ABCC4: variants seen among roughly 807,000 people sequenced by gnomAD.
ABCC4 encodes the protein ATP binding cassette subfamily C member 4 (PEL blood group), also known as ATP-binding cassette sub-family C member 4.
Under a neutral mutation model 168.5 loss-of-function variants are expected in ABCC4, and 102 were observed. The ratio of observed to expected loss-of-function variants is 0.61; its 90% CI spans 0.52 to 0.71. ABCC4 has a LOEUF of 0.71. ABCC4 is among the 30% of genes least tolerant of loss of function. The pLI is 0.00. For missense variants in ABCC4, 1,402 were observed against 1,605.8 expected (o/e 0.87, Z 2.17); for synonymous variants, 617 against 590.7 (o/e 1.04, Z -0.65).
chr13:95,058,567 C>CAAAAA (rs1165324016), intron 26 of ABCC4, among the ~76,000 whole-genome samples: 245 of 62,544 alleles, frequency 3.9e-3, no homozygotes, highest in East Asian at 0.01. Context: ...GACTCCATCT[C>CAAAAA]AAAAAAAAAA....
At chr13:95,061,371 A>C (rs913753070) in intron 26 of ABCC4, among the ~76,000 whole-genome samples, 1 of 151,924 alleles carries the variant, frequency 6.6e-6, no homozygotes, top group Non-Finnish European at 1.5e-5. Flanking sequence ...CAAATTACTT[A>C]AGCGTGATTC....
rs1403492407 is a variant in ABCC4, at chr13:95,126,407, G to C, written c.2456-10406C>G. Among the ~76,000 whole-genome samples the C allele has an allele frequency of 2.6e-5, 4 of 152,164 alleles. No individual in the cohort carries two copies. In the East Asian group the frequency reaches 7.8e-4, roughly 30 times the overall value. On this transcript the variant is annotated intron_variant, in intron 19 of 30. Transcript: ENST00000645237. ...CAAATTCAATCACTGAGATTACCTT[G>C]AATGGAAATTACCAGTCAGTGTGCA...
intron 6 of ABCC4, among the ~76,000 whole-genome samples, chr13:95,208,608 CTTTTTTTTTTTTTT>C (rs58749262): frequency 4.0e-5 from 3 of 74,636 alleles, no homozygotes; most frequent in Admixed American, 2.1e-4. Context: ...AGCTGTATTT[CTTTTTTTTTTTTTT>C]TTTTTTTTTT....
intron 4 of ABCC4, among the ~76,000 whole-genome samples, chr13:95,219,804 T>C (rs1419008672): frequency 6.6e-6 from 1 of 152,148 alleles, no homozygotes; most frequent in Admixed American, 6.6e-5. Flanking sequence ...GAGGTGTGTT[T>C]GGCATCCATC....
intron 19 of ABCC4, among the ~76,000 whole-genome samples, chr13:95,122,167 T>C (rs1374898604): frequency 4.6e-5 from 7 of 152,218 alleles, no homozygotes; most frequent in African/African-American, 1.7e-4. Flanking sequence ...CTTTTTCTGA[T>C]TCTCTTCTCG....
intron 1 of ABCC4, among the ~76,000 whole-genome samples, chr13:95,279,950 A>C (rs2041073362): frequency 6.6e-6 from 1 of 152,102 alleles, no homozygotes; most frequent in African/African-American, 2.4e-5. Flanking sequence ...GACCCACCAC[A>C]ACATCTCAGC....
intron 19 of ABCC4, among the ~76,000 whole-genome samples, chr13:95,132,884 A>G (rs970493506): frequency 6.6e-6 from 1 of 152,064 alleles, no homozygotes; most frequent in Non-Finnish European, 1.5e-5. Context: ...AGAGACAGAA[A>G]GTAGAAGGGT....
At position 95,161,228 on chromosome 13, in the gene ABCC4, G is replaced by T; in HGVS notation, c.2416C>A (p.Leu806Met). 1 of 1,610,384 alleles carries T rather than the reference G, an allele frequency of 6.2e-7. No individual in the cohort carries two copies. The highest frequency in any genetic ancestry group is 8.5e-7 in the Non-Finnish European group (1 of 1,179,336). Residue 806 changes from leucine (L) to methionine (M), a missense_variant, in exon 19 of 31, where the codon CTG (leucine) becomes ATG (methionine). By Grantham distance (15) the Leu-to-Met change is conservative. Coordinates refer to ENST00000645237, the MANE Select transcript of ABCC4 (RefSeq NM_005845.5). Reference protein sequence around the residue: ...TLHNKMFESILKAPVLFFDRN... With the variant: ...TLHNKMFESIMKAPVLFFDRN... ...TCAAAGAATAATACCGGAGCTTTCA[G>T]AATTGACTCAAACATTTTGTTGTGC...
At position 95,209,578 on chromosome 13, in the gene ABCC4, A is replaced by C. The variant is rs752272439; in HGVS notation, c.641T>G (p.Phe214Cys). 1 of 1,613,378 alleles carries C rather than the reference A, an allele frequency of 6.2e-7. No individual in the cohort carries two copies. Among genetic ancestry groups the C allele is most frequent in the Non-Finnish European group, 8.5e-7 (1 of 1,179,720 alleles). Residue 214 changes from phenylalanine (F) to cysteine (C), a missense_variant, in exon 6 of 31, where the codon TTC (phenylalanine) becomes TGC (cysteine). Phe to Cys is a radical substitution (Grantham distance 205, BLOSUM62 -2). This residue lies in a region of ABCC4 where 317 missense variants were observed against 345.5 expected (regional missense o/e 0.92). Coordinates refer to ENST00000645237, the MANE Select transcript of ABCC4 (RefSeq NM_005845.5). Reference sequence around the variant, plus strand: ...CGCCTGCAGTGGTCCTGCCCACAGGAAGTGTAAGAACACTGTCACCTTTAA... The same window carrying C: ...CGCCTGCAGTGGTCCTGCCCACAGGCAGTGTAAGAACACTGTCACCTTTAA... ...KFDQVTVFLH[F>C]LWAGPLQAIA...
chr13:95,098,952 A>C (rs1158426308), intron 20 of ABCC4, among the ~76,000 whole-genome samples: 1 of 152,226 alleles, frequency 6.6e-6, no homozygotes, highest in Non-Finnish European at 1.5e-5. Flanking sequence ...CAACCATTAT[A>C]AAAATCCTTG....
intron 4 of ABCC4, among the ~76,000 whole-genome samples, chr13:95,212,084 G>GA (rs2038974581): frequency 6.7e-6 from 1 of 148,660 alleles, no homozygotes; most frequent in African/African-American, 2.5e-5. Flanking sequence ...GGCTGAGGCA[G>GA]AAAATCACTT....
In ABCC4 at chr13:95,234,744, T is replaced by C; in HGVS notation, c.397A>G (p.Thr133Ala). Residue 133 changes from threonine (T) to alanine (A), a missense_variant, in exon 4 of 31, where the codon ACA becomes GCA. This residue lies in a region of ABCC4 where 317 missense variants were observed against 345.5 expected (regional missense o/e 0.92). Coordinates refer to ENST00000645237, the MANE Select transcript of ABCC4 (RefSeq NM_005845.5). ...AGCACCGTGGCATAGGCGTACGCTG[T>C]GTTCAAAGCCACAGAATCCATGGGA... Reference protein sequence around the residue: ...YDPMDSVALNTAYAYATVLTF... With the variant: ...YDPMDSVALNAAYAYATVLTF... 2 of 1,614,094 alleles carry C rather than the reference T, an allele frequency of 1.2e-6. No homozygotes were observed. Among genetic ancestry groups the C allele is most frequent in the Non-Finnish European group, 1.7e-6 (2 of 1,179,992 alleles).
At chr13:95,217,412 T>C (rs571721573) in intron 4 of ABCC4, among the ~76,000 whole-genome samples, 1 of 152,140 alleles carries the variant, frequency 6.6e-6, no homozygotes, top group South Asian at 2.1e-4. Context: ...CAGATGTCTT[T>C]CCCCCCTCTC....
intron 30 of ABCC4, among the ~76,000 whole-genome samples, chr13:95,026,978 C>T (rs750739343): frequency 7.9e-5 from 12 of 152,062 alleles, no homozygotes; most frequent in Middle Eastern, 3.4e-3. Context: ...ACAGACAACA[C>T]GAGAAGACCT....
rs564527384 is a variant in ABCC4 at position 95,160,263 on chromosome 13, C to G, written c.2455+926G>C. On this transcript the variant is annotated intron_variant, in intron 19 of 30. Coordinates refer to ENST00000645237, the MANE Select transcript of ABCC4 (RefSeq NM_005845.5). Reference sequence around the variant, plus strand: ...CCTTGGTCAAAAAGCTAGTCAATGGCCAGGCCAAAGCTGTGCCTGTGTTCT... The same window carrying G: ...CCTTGGTCAAAAAGCTAGTCAATGGGCAGGCCAAAGCTGTGCCTGTGTTCT... Among the ~76,000 whole-genome samples the G allele has an allele frequency of 2.0e-5, 3 of 152,258 alleles. No homozygotes were observed. The East Asian group carries it at 5.8e-4, about 29-fold the overall frequency.
chr13:95,255,348 G>A (rs1016994297), intron 1 of ABCC4, among the ~76,000 whole-genome samples: 2 of 152,184 alleles, frequency 1.3e-5, no homozygotes, highest in Non-Finnish European at 2.9e-5. Context: ...GGCTCCAAGG[G>A]GAGCCCGACA....
At chr13:95,100,812 G>A (rs1054791248) in intron 20 of ABCC4, among the ~76,000 whole-genome samples, 11 of 152,196 alleles carry the variant, frequency 7.2e-5, no homozygotes, top group Non-Finnish European at 1.6e-4. Context: ...TGACGGCAAG[G>A]CGACCTAACT....
At chr13:95,171,873 A>G (rs749744827) in intron 13 of ABCC4, among the ~76,000 whole-genome samples, 9 of 152,154 alleles carry the variant, frequency 5.9e-5, no homozygotes, top group Non-Finnish European at 1.3e-4. Context: ...TGTTCAATCT[A>G]GTATACCTCT....
At chr13:95,250,245 A>C (rs1259143127) in intron 1 of ABCC4, among the ~76,000 whole-genome samples, 1 of 152,106 alleles carries the variant, frequency 6.6e-6, no homozygotes, top group Admixed American at 6.6e-5. Flanking sequence ...CCATTCCTCC[A>C]CCCAGTTCTG....
Sources: gnomAD v4.1 joint callset for allele counts (sites outside exome capture counted in the v4.1 genomes callset) on GRCh38, gnomAD v4.1.1 for gene constraint, gnomAD v4.1.1 regional missense constraint, MANE v1.5 for transcripts, NCBI Gene and HGNC (gene_info 2026-07-23, HGNC 2026-07-21) for gene names.